Variants in ZNF430 observed in about 807,000 individuals in gnomAD.
ZNF430 encodes zinc finger protein 430.
ZNF430 carries 35 observed loss-of-function variants against 56.7 expected under a neutral mutation model. The ratio of observed to expected loss-of-function variants is 0.62; its 90% CI spans 0.47 to 0.82. The LOEUF (loss-of-function observed/expected upper bound fraction) is 0.82. ZNF430 is among the 40% of genes least tolerant of loss of function. ZNF430 has a pLI of 0.00. For synonymous variants in ZNF430, 212 were observed against 224.3 expected (o/e 0.94, Z 0.49); for missense variants, 574 against 661.0 (o/e 0.87, Z 1.44).
At chr19:21,041,594 C>G (rs965799526) in intron 4 of ZNF430, among the ~76,000 whole-genome samples, 1 of 152,150 alleles carries the variant, frequency 6.6e-6, no homozygotes, top group African/African-American at 2.4e-5. Context: ...GTTTACTGCA[C>G]CTATCAATTC....
At position 21,043,919 on chromosome 19, in the gene ZNF430, C is replaced by T. The variant is rs1599501663; in HGVS notation, c.322+9735C>T. ...TGTTTACTGTTAATGTATTGAAATG[C>T]TTGTAATTTTTGCACATTGATTTTG... is the stretch of plus-strand genomic sequence containing the variant. On this transcript the variant is annotated intron_variant, in intron 4 of 4. Transcript: ENST00000261560. Among the ~76,000 whole-genome samples, 6 of 151,254 alleles carry T rather than the reference C, an allele frequency of 4.0e-5. No individual in the cohort carries two copies. The South Asian group carries it at 1.3e-3, about 32-fold the overall frequency.
intron 2 of ZNF430, among the ~76,000 whole-genome samples, chr19:21,027,933 T>C (rs1967833101): frequency 6.6e-6 from 1 of 152,206 alleles, no homozygotes; most frequent in East Asian, 1.9e-4. Context: ...CTTATATTCA[T>C]GTTGCCTCAG....
At position 21,057,460 on chromosome 19, in the gene ZNF430, A is replaced by G; in HGVS notation, c.1152A>G (p.Arg384=). Residue 384 remains arginine, a synonymous_variant, in exon 5 of 5, where the codon CGA becomes CGG. Coordinates refer to ENST00000261560, the MANE Select transcript of ZNF430 (RefSeq NM_025189.4). The part of the protein sequence containing the change: ...KCEECGKAFY[R]FSYLTKHKII... ...AAGAATGTGGCAAAGCTTTTTACCGATTCTCATACCTTACTAAACATAAGA... is the reference window on the plus strand; with the variant it reads ...AAGAATGTGGCAAAGCTTTTTACCGGTTCTCATACCTTACTAAACATAAGA... The G allele has an allele frequency of 6.2e-7, 1 of 1,612,230 alleles. No homozygotes were observed. The highest frequency in any genetic ancestry group is 1.1e-5 in the South Asian group (1 of 91,038).
intron 2 of ZNF430, among the ~76,000 whole-genome samples, chr19:21,027,686 A>G (rs1967829412): frequency 6.6e-6 from 1 of 152,026 alleles, no homozygotes; most frequent in Non-Finnish European, 1.5e-5. Context: ...TTTCTTTTCA[A>G]TATTTTGAAG....
At chr19:21,020,913 G>C in intron 1 of ZNF430, 110 bp downstream of exon 1, 1 of 1,487,878 alleles carries the variant, frequency 6.7e-7, no homozygotes, top group Non-Finnish European at 9.3e-7. Context: ...CACAATCTGC[G>C]CCCCGAGTTC....
chr19:21,057,202 T>C lies in ZNF430; in HGVS notation c.894T>C (p.Phe298=), dbSNP rs924633599. The C allele has an allele frequency of 7.4e-6, 12 of 1,613,830 alleles. No homozygotes were observed. The highest frequency in any genetic ancestry group is 9.3e-6 in the Non-Finnish European group (11 of 1,179,962). The change falls in exon 5 of 5, where the codon TTT becomes TTC. Residue 298 remains phenylalanine, a synonymous_variant. Coordinates refer to ENST00000261560, the MANE Select transcript of ZNF430 (RefSeq NM_025189.4). ...GATGTGAAGAATGTGGCAAAACCTT[T>C]AACCGGTCCTCACACCTTACTACAC... is the stretch of plus-strand genomic sequence containing the variant. ...PYRCEECGKT[F]NRSSHLTTHK...
At chr19:21,033,411 C>T (rs1449506421) in intron 2 of ZNF430, 45 bp from the exon 3 acceptor site, 2 of 1,572,242 alleles carry the variant, frequency 1.3e-6, no homozygotes, top group Admixed American at 1.9e-5. Context: ...CTGCCCGTGG[C>T]CACTTGGTAA....
At chr19:21,028,724 C>T (rs1488758905) in intron 2 of ZNF430, among the ~76,000 whole-genome samples, 1 of 151,954 alleles carries the variant, frequency 6.6e-6, no homozygotes, top group Non-Finnish European at 1.5e-5. Flanking sequence ...ATTGCTCTAT[C>T]GCCCAGGCTG....
At position 21,057,182 on chromosome 19, in the gene ZNF430, G is replaced by A; in HGVS notation, c.874G>A (p.Glu292Lys). ...IHTGEKPYRC[E>K]ECGKTFNRSS... ...TACTGGAGAGAAACCCTACAGATGT[G>A]AAGAATGTGGCAAAACCTTTAACCG... The change falls in exon 5 of 5, where the codon GAA becomes AAA. Residue 292 changes from glutamate to lysine, a missense_variant. Around this residue, in one of 3 missense-constraint regions of ZNF430, gnomAD observed 346 missense variants for 399.1 expected, o/e 0.87. Coordinates refer to ENST00000261560, the MANE Select transcript of ZNF430 (RefSeq NM_025189.4). The A allele has an allele frequency of 6.2e-7, 1 of 1,613,876 alleles. No homozygotes were observed. Among genetic ancestry groups the A allele is most frequent in the East Asian group, 2.2e-5 (1 of 44,850 alleles).
chr19:21,037,320 G>A (rs1968019732), intron 4 of ZNF430, among the ~76,000 whole-genome samples: 2 of 151,810 alleles, frequency 1.3e-5, no homozygotes, highest in East Asian at 1.9e-4. Flanking sequence ...GTTTAACCAT[G>A]TTGGTCAGGC....
chr19:21,038,892 G>T (rs759482988), intron 4 of ZNF430, among the ~76,000 whole-genome samples: 7 of 152,140 alleles, frequency 4.6e-5, no homozygotes, highest in Non-Finnish European at 8.8e-5. Context: ...ACCACTGTAG[G>T]TTGTATTGAC....
chr19:21,030,281 C>A (rs7254722), intron 2 of ZNF430, among the ~76,000 whole-genome samples: 123,277 of 152,030 alleles, frequency 0.81, 52,229 homozygotes, highest in Middle Eastern at 0.93. Flanking sequence ...TATTCTATAC[C>A]TTTAAAACAA....
chr19:21,048,173 T>G (rs1968213563), intron 4 of ZNF430, among the ~76,000 whole-genome samples: 1 of 114,632 alleles, frequency 8.7e-6, no homozygotes, highest in African/African-American at 3.1e-5. Flanking sequence ...TCTTTTTTTT[T>G]TTTTTTTTTT....
At chr19:21,038,393 C>A (rs564456600) in intron 4 of ZNF430, among the ~76,000 whole-genome samples, 1 of 152,030 alleles carries the variant, frequency 6.6e-6, no homozygotes, top group East Asian at 1.9e-4. Context: ...GCCTTTGTGT[C>A]AATATTACAC....
intron 4 of ZNF430, chr19:21,036,107 T>C (rs1275897434): frequency 6.6e-6 from 1 of 152,184 alleles, no homozygotes; most frequent in Non-Finnish European, 1.5e-5. Context: ...GTTATTGTGT[T>C]TTTTTGTTTC....
At chr19:21,040,609 C>T (rs1334380365) in intron 4 of ZNF430, among the ~76,000 whole-genome samples, 2 of 152,112 alleles carry the variant, frequency 1.3e-5, no homozygotes, top group East Asian at 1.9e-4. Flanking sequence ...ACCAAATAAA[C>T]CTTTTTACTT....
At chr19:21,040,649 T>C (rs1466606535) in intron 4 of ZNF430, among the ~76,000 whole-genome samples, 16 of 152,266 alleles carry the variant, frequency 1.1e-4, no homozygotes, top group Admixed American at 1.0e-3. Flanking sequence ...GTTATTTGTC[T>C]ATATGCAAAA....
rs182796276 is a variant in ZNF430 at position 21,039,224 on chromosome 19, C to T, written c.322+5040C>T. The stretch of plus-strand genomic sequence containing the variant: ...CCAGCCTCCTGAAGTGCTGGGATTA[C>T]GGGCATGAGCCACCATGCTTGGCCT... On this transcript the variant is annotated intron_variant, in intron 4 of 4. Coordinates refer to ENST00000261560, the MANE Select transcript of ZNF430 (RefSeq NM_025189.4). Among the ~76,000 whole-genome samples the T allele has an allele frequency of 3.0e-3, 454 of 152,172 alleles. 1 individual carries two copies. Among genetic ancestry groups the T allele is most frequent in the Non-Finnish European group, 5.3e-3 (357 of 67,996 alleles).
At chr19:21,022,966 G>T (rs1967724769) in intron 2 of ZNF430, 85 bp downstream of exon 2, 1 of 986,958 alleles carries the variant, frequency 1.0e-6, no homozygotes, top group Non-Finnish European at 1.6e-6. Context: ...CAATCAGACT[G>T]TGGCATTGAG....
Sources: allele counts gnomAD v4.1 joint callset (sites outside exome capture counted in the v4.1 genomes callset), GRCh38; gene constraint gnomAD v4.1.1; regional missense constraint gnomAD v4.1.1; transcripts MANE v1.5; gene names NCBI Gene and HGNC (gene_info 2026-07-23, HGNC 2026-07-21).